The following EXOC6B variants were observed in gnomAD, a reference collection of about 807,000 sequenced individuals.
EXOC6B encodes exocyst complex component 6B.
Under a neutral mutation model 113.5 loss-of-function variants are expected in EXOC6B, and 54 were observed. The observed-to-expected ratio is 0.48, with a 90% CI of 0.38 to 0.60. The LOEUF (loss-of-function observed/expected upper bound fraction) is 0.60, where lower values mean the gene tolerates loss of function less well. Ranked by LOEUF, EXOC6B falls within the 20% of genes least tolerant of loss-of-function variation. The probability of loss-of-function intolerance (pLI) is 0.00; values close to 1 mark genes in which losing one functional copy is unlikely to be tolerated. For missense variants in EXOC6B, 797 were observed against 977.5 expected (o/e 0.82, Z 2.46); for synonymous variants, 357 against 339.0 (o/e 1.05, Z -0.58).
intron 6 of EXOC6B, among the ~76,000 whole-genome samples, chr2:72,683,208 G>T (rs1676837038): frequency 6.6e-6 from 1 of 152,084 alleles, no homozygotes; most frequent in African/African-American, 2.4e-5. Flanking sequence ...GTTCCTAGAA[G>T]GCAGAGCTAT....
At chr2:72,320,213 A>G (rs1305431260) in intron 20 of EXOC6B, among the ~76,000 whole-genome samples, 2 of 149,256 alleles carry the variant, frequency 1.3e-5, no homozygotes, top group African/African-American at 4.9e-5. Flanking sequence ...ATATTTTTAT[A>G]TATTTACATA....
At chr2:72,446,287 G>A (rs1222563271) in intron 18 of EXOC6B, among the ~76,000 whole-genome samples, 3 of 151,904 alleles carry the variant, frequency 2.0e-5, no homozygotes, top group African/African-American at 7.2e-5. Context: ...GCTGAGGCAG[G>A]AGAATCACTT....
chr2:72,619,834 C>T (rs1319209231), intron 6 of EXOC6B, among the ~76,000 whole-genome samples: 1 of 152,200 alleles, frequency 6.6e-6, no homozygotes, highest in Non-Finnish European at 1.5e-5. Context: ...GCAGGGGGAT[C>T]TCCCCAGGGA....
At chr2:72,393,414 T>G (rs959546460) in intron 18 of EXOC6B, among the ~76,000 whole-genome samples, 7 of 152,000 alleles carry the variant, frequency 4.6e-5, no homozygotes, top group Non-Finnish European at 7.4e-5. Flanking sequence ...TTAGGGGAGT[T>G]TCTTCTCCAT....
rs1465748170 is a variant in EXOC6B, at chr2:72,201,018, A to G, written c.2197-16831T>C. Among the ~76,000 whole-genome samples, 4 of 152,058 alleles carry G rather than the reference A, an allele frequency of 2.6e-5. No homozygotes were observed. In the East Asian group the frequency reaches 7.7e-4, roughly 29 times the overall value. On this transcript the variant is annotated intron_variant, in intron 20 of 21. Transcript: ENST00000272427. Reference sequence around the variant, plus strand: ...TGAAGGCTGCTATCATGATTTTGTTATGTATCTGCTATATGTTTTTATGCT... The same window carrying G: ...TGAAGGCTGCTATCATGATTTTGTTGTGTATCTGCTATATGTTTTTATGCT...
At chr2:72,821,385 G>A (rs927274485) in intron 1 of EXOC6B, among the ~76,000 whole-genome samples, 8 of 152,118 alleles carry the variant, frequency 5.3e-5, no homozygotes, top group South Asian at 2.1e-4. Context: ...GTAAAATGGC[G>A]CATGCACTTT....
intron 6 of EXOC6B, among the ~76,000 whole-genome samples, chr2:72,631,406 ATG>A (rs201743586): frequency 0.51 from 51,436 of 101,468 alleles, 18,697 homozygotes; most frequent in East Asian, 0.89. Context: ...GTGTGTGTAT[ATG>A]TGTGTGTGTG....
chr2:72,452,916 C>T (rs1696996282), intron 18 of EXOC6B, among the ~76,000 whole-genome samples: 1 of 152,116 alleles, frequency 6.6e-6, no homozygotes, highest in Non-Finnish European at 1.5e-5. Context: ...CCTCAGTTGT[C>T]CTTAGTTGTG....
At chr2:72,692,643 G>A (rs1035041960) in intron 6 of EXOC6B, among the ~76,000 whole-genome samples, 16 of 152,088 alleles carry the variant, frequency 1.1e-4, no homozygotes, top group African/African-American at 1.2e-4. Context: ...GAGCCGCTGC[G>A]CCTGGCCTTT....
At chr2:72,339,956 A>T (rs11884869) in intron 19 of EXOC6B, among the ~76,000 whole-genome samples, 32,466 of 152,072 alleles carry the variant, frequency 0.21, 6,614 homozygotes, top group African/African-American at 0.54. Flanking sequence ...TTTCAAAAAT[A>T]TGCTATAATT....
At chr2:72,428,806 A>G (rs940531277) in intron 18 of EXOC6B, among the ~76,000 whole-genome samples, 2 of 152,204 alleles carry the variant, frequency 1.3e-5, no homozygotes, top group Non-Finnish European at 2.9e-5. Flanking sequence ...CTATTGTTTC[A>G]TTTATGGCTA....
At chr2:72,671,396 T>C (rs1297786105) in intron 6 of EXOC6B, among the ~76,000 whole-genome samples, 1 of 151,944 alleles carries the variant, frequency 6.6e-6, no homozygotes, top group Non-Finnish European at 1.5e-5. Flanking sequence ...GGACATTGGG[T>C]ATATGAAAAA....
Position 72,767,545 on chromosome 2 carries a change from C to A in EXOC6B, c.114-26076G>T, listed in dbSNP as rs867518066. ...TGGAACTGGGCCAGGCACAGTGGCT[C>A]ACGCTTGCAATCCCAACACTTTGGG... On this transcript the variant is annotated intron_variant, in intron 1 of 21. Coordinates refer to ENST00000272427, the MANE Select transcript of EXOC6B (RefSeq NM_015189.3). 8.6e-5 allele frequency among the ~76,000 whole-genome samples: 13 copies of A among 151,940 alleles called. 1 individual carries two copies. Among genetic ancestry groups the A allele is most frequent in the Middle Eastern group, 3.4e-3 (1 of 294 alleles).
intron 20 of EXOC6B, among the ~76,000 whole-genome samples, chr2:72,216,871 G>C (rs1396996265): frequency 6.6e-6 from 1 of 151,936 alleles, no homozygotes; most frequent in Non-Finnish European, 1.5e-5. Context: ...TGGACACAGG[G>C]AGGGGAACAA....
chr2:72,678,763 GTC>G (rs936342052), intron 6 of EXOC6B, among the ~76,000 whole-genome samples: 2 of 152,102 alleles, frequency 1.3e-5, no homozygotes, highest in Non-Finnish European at 2.9e-5. Flanking sequence ...CGCCACAACA[GTC>G]TGTTTAAATT....
At chr2:72,695,855 A>G (rs1374178010) in intron 6 of EXOC6B, among the ~76,000 whole-genome samples, 2 of 152,214 alleles carry the variant, frequency 1.3e-5, no homozygotes, top group Non-Finnish European at 2.9e-5. Flanking sequence ...GGCTCACTCC[A>G]GTGCAGTGGG....
chr2:72,193,348 A>G (rs367703508), intron 20 of EXOC6B, among the ~76,000 whole-genome samples: 55 of 151,978 alleles, frequency 3.6e-4, no homozygotes, highest in African/African-American at 1.2e-3. Context: ...ATTTCCTCCA[A>G]CTCCCTGTCT....
At chr2:72,562,595 T>C (rs2103722529) in intron 7 of EXOC6B, among the ~76,000 whole-genome samples, 1 of 152,284 alleles carries the variant, frequency 6.6e-6, no homozygotes, top group South Asian at 2.1e-4. Flanking sequence ...ATCAGCTTCA[T>C]CTAATTTTTC....
chr2:72,505,476 C>A (rs577801858), intron 11 of EXOC6B, among the ~76,000 whole-genome samples: 19 of 152,156 alleles, frequency 1.2e-4, no homozygotes, highest in African/African-American at 4.6e-4. Context: ...TCTTGATATC[C>A]AAATACATTA....
Sources: gnomAD v4.1 joint callset for allele counts (sites outside exome capture counted in the v4.1 genomes callset) on GRCh38, gnomAD v4.1.1 for gene constraint, MANE v1.5 for transcripts, NCBI Gene and HGNC (gene_info 2026-07-23, HGNC 2026-07-21) for gene names.